The following GRXCR2 variants were observed in gnomAD, a reference collection of about 807,000 sequenced individuals.
The protein encoded by GRXCR2 is glutaredoxin domain-containing cysteine-rich protein 2.
In GRXCR2, 23 loss-of-function variants were observed where a neutral mutation model predicts 24.8. That is an observed-to-expected ratio of 0.93 (90% CI 0.67 to 1.32). The LOEUF is 1.32. GRXCR2 is among the 40% of genes most tolerant of loss of function. GRXCR2 has a pLI of 0.00. For missense variants in GRXCR2, 315 were observed against 303.4 expected, an observed-to-expected ratio of 1.04 and a Z score of -0.28; for synonymous variants, 130 against 116.1, an observed-to-expected ratio of 1.12 and a Z score of -0.77.
chr5:145,907,711 G>A (rs985073484), intron 2 of GRXCR2, among the ~76,000 whole-genome samples: 1 of 152,096 alleles, frequency 6.6e-6, no homozygotes, highest in African/African-American at 2.4e-5. Context: ...AATCCGACAC[G>A]GGGTCCTGGA....
Position 145,859,474 on chromosome 5 carries a change from C to G in GRXCR2, c.*259G>C. 3.9e-6 allele frequency: 2 copies of G among 517,960 alleles called. No homozygotes were observed. The highest frequency in any genetic ancestry group is 6.9e-6 in the Non-Finnish European group (2 of 290,776). 32.1% of individuals were successfully genotyped at this position (517,960 alleles called of 1,614,324 possible). A position where few individuals can be genotyped will look rare whatever the true frequency, so the allele number is the denominator to read the frequency against. ...TGAGCTAAGTCAAGTGAGATACACTCACACCATCCTGGAAGGATAATTTTA... is the reference window on the plus strand; with the variant it reads ...TGAGCTAAGTCAAGTGAGATACACTGACACCATCCTGGAAGGATAATTTTA... On this transcript the variant is annotated 3_prime_UTR_variant, in exon 3 of 3. Coordinates refer to ENST00000377976, the MANE Select transcript of GRXCR2 (RefSeq NM_001080516.2).
chr5:145,863,354 T>C (rs556064677), intron 2 of GRXCR2, among the ~76,000 whole-genome samples: 3 of 152,234 alleles, frequency 2.0e-5, no homozygotes, highest in Admixed American at 6.5e-5. Flanking sequence ...GACAGGCAAG[T>C]GAAGTATAAC....
At chr5:145,905,297 A>T (rs1757075689) in intron 2 of GRXCR2, among the ~76,000 whole-genome samples, 1 of 152,226 alleles carries the variant, frequency 6.6e-6, no homozygotes, top group Non-Finnish European at 1.5e-5. Context: ...TAAAATAGAG[A>T]TAATACCCAG....
chr5:145,895,078 T>A (rs962829322), intron 2 of GRXCR2, among the ~76,000 whole-genome samples: 5 of 152,038 alleles, frequency 3.3e-5, no homozygotes, highest in African/African-American at 9.7e-5. Context: ...TTGACAAAAT[T>A]CAACAACGCT....
chr5:145,886,792 A>G (rs527695062), intron 2 of GRXCR2, among the ~76,000 whole-genome samples: 1 of 152,224 alleles, frequency 6.6e-6, no homozygotes, highest in Non-Finnish European at 1.5e-5. Context: ...ATTAATATTT[A>G]CTTAATCCAC....
At chr5:145,893,545 T>C (rs1756902809) in intron 2 of GRXCR2, among the ~76,000 whole-genome samples, 1 of 152,168 alleles carries the variant, frequency 6.6e-6, no homozygotes, top group Non-Finnish European at 1.5e-5. Flanking sequence ...AAGGCCATTA[T>C]ATAATGGTGA....
Position 145,866,701 on chromosome 5 carries a change from T to A in GRXCR2, c.364A>T (p.Ile122Leu), listed in dbSNP as rs1218894368. The change falls in exon 2 of 3, where the codon ATA (isoleucine) becomes TTA (leucine). Residue 122 changes from isoleucine (I) to leucine (L), a missense_variant. Transcript: ENST00000377976. ...TTCAGGTTATTAGTGTAGATGATTA[T>A]CTTTCCAAAATCTATAATAGGTAGG... ...KPLPIIDFGK[I>L]IIYTNNLKII... 1 of 1,612,366 alleles carries A rather than the reference T, an allele frequency of 6.2e-7. No individual in the cohort carries two copies. Among genetic ancestry groups the A allele is most frequent in the Admixed American group, 1.7e-5 (1 of 60,012 alleles).
Position 145,872,809 on chromosome 5 carries a change from G to A in GRXCR2, c.160C>T (p.Leu54=), listed in dbSNP as rs150272088. Residue 54 remains leucine (L), a synonymous_variant, in exon 1 of 3, where the codon CTG becomes TTG. Transcript: ENST00000377976. ...TCCATTGTTTCAAGAGACTCTTGCA[G>A]AAAACTGTGAGGGTATTCCTCCTTT... ...SPKEEYPHSF[L]QESLETMDGV... The A allele has an allele frequency of 3.4e-4, 555 of 1,614,050 alleles. No individual in the cohort carries two copies. Among genetic ancestry groups the A allele is most frequent in the Non-Finnish European group, 4.3e-4 (504 of 1,180,026 alleles).
At chr5:145,925,303 T>G (rs538209021) in intron 2 of GRXCR2, among the ~76,000 whole-genome samples, 1 of 152,250 alleles carries the variant, frequency 6.6e-6, no homozygotes, top group African/African-American at 2.4e-5. Context: ...ACAGAAAGAA[T>G]TCAGATATTG....
intron 2 of GRXCR2, among the ~76,000 whole-genome samples, chr5:145,910,001 C>T (rs1757143399): frequency 6.6e-6 from 1 of 152,112 alleles, no homozygotes; most frequent in African/African-American, 2.4e-5. Context: ...TAAGGCTTAA[C>T]GAGATTCCCA....
At chr5:145,910,993 A>ATT (rs113252498) in intron 2 of GRXCR2, among the ~76,000 whole-genome samples, 4,060 of 144,570 alleles carry the variant, frequency 0.028, 56 homozygotes, top group South Asian at 0.055. Context: ...CTTCTTTTGT[A>ATT]TTTTTTTTTT....
intron 2 of GRXCR2, among the ~76,000 whole-genome samples, chr5:145,912,043 G>C (rs906121498): frequency 6.6e-6 from 1 of 152,206 alleles, no homozygotes; most frequent in Non-Finnish European, 1.5e-5. Flanking sequence ...GCTGCAGTGA[G>C]CTGTGATTGT....
At chr5:145,873,574 CAA>C (rs1485446190), upstream of GRXCR2, among the ~76,000 whole-genome samples, 5 of 152,156 alleles carry the variant, frequency 3.3e-5, no homozygotes, top group Non-Finnish European at 7.3e-5. Flanking sequence ...TATCTGACTC[CAA>C]AACCCAAGAT....
intron 2 of GRXCR2, among the ~76,000 whole-genome samples, chr5:145,864,254 T>C (rs2149908851): frequency 6.6e-6 from 1 of 151,746 alleles, no homozygotes; most frequent in South Asian, 2.1e-4. Flanking sequence ...GAGAAAATAA[T>C]ATATGAGGGA....
intron 2 of GRXCR2, among the ~76,000 whole-genome samples, chr5:145,918,165 A>G (rs1465605258): frequency 6.6e-6 from 1 of 152,200 alleles, no homozygotes; most frequent in Non-Finnish European, 1.5e-5. Context: ...TGGTATTCCT[A>G]GAAGACCTCG....
rs1756289966 is a variant in GRXCR2 at position 145,859,330 on chromosome 5, A to T, written c.*403T>A. ...ATGAGATGCATTATAAGCAACAAGA[A>T]ATCAGTTCATCAGAAACCTGCCTTT... is the stretch of plus-strand genomic sequence containing the variant. On this transcript the variant is annotated 3_prime_UTR_variant, in exon 3 of 3. Coordinates refer to ENST00000377976, the MANE Select transcript of GRXCR2 (RefSeq NM_001080516.2). The T allele has an allele frequency of 5.6e-6, 1 of 179,250 alleles. No homozygotes were observed. The highest frequency in any genetic ancestry group is 2.4e-5 in the African/African-American group (1 of 42,026). 11.1% of individuals were successfully genotyped at this position (179,250 alleles called of 1,614,324 possible). A position where few individuals can be genotyped will look rare whatever the true frequency, so the allele number is the denominator to read the frequency against.
intron 2 of GRXCR2, among the ~76,000 whole-genome samples, chr5:145,927,532 T>G (rs1418403142): frequency 1.3e-5 from 2 of 152,236 alleles, no homozygotes; most frequent in Non-Finnish European, 1.5e-5. Flanking sequence ...GGATTACGTT[T>G]ATTGATTTGC....
chr5:145,890,334 C>T (rs1756846277), intron 2 of GRXCR2, among the ~76,000 whole-genome samples: 2 of 152,142 alleles, frequency 1.3e-5, no homozygotes, highest in Non-Finnish European at 2.9e-5. Context: ...AAGTAATCTG[C>T]CCACCTCAGC....
intron 2 of GRXCR2, among the ~76,000 whole-genome samples, chr5:145,898,952 GA>G (rs1255127528): frequency 2.6e-5 from 4 of 152,086 alleles, no homozygotes; most frequent in Non-Finnish European, 5.9e-5. Flanking sequence ...ATCGAAATAG[GA>G]AGACAGAAAG....
Sources: allele counts gnomAD v4.1 joint callset (sites outside exome capture counted in the v4.1 genomes callset), GRCh38; gene constraint gnomAD v4.1.1; transcripts MANE v1.5; gene names NCBI Gene and HGNC (gene_info 2026-07-23, HGNC 2026-07-21).